The following PAK2 variants were observed in gnomAD, a reference collection of about 807,000 sequenced individuals.
PAK2 encodes the protein p21 (RAC1) activated kinase 2.
In PAK2, 21 loss-of-function variants were observed where a neutral mutation model predicts 65.9. That is an observed-to-expected ratio of 0.32 (90% CI 0.23 to 0.46). PAK2 has a LOEUF of 0.46. PAK2 is among the 20% of genes least tolerant of loss of function. The probability of loss-of-function intolerance (pLI) is 1.00; values close to 1 mark genes in which losing one functional copy is unlikely to be tolerated. For missense variants in PAK2, 324 were observed against 642.6 expected, an observed-to-expected ratio of 0.50 and a Z score of 5.36; for synonymous variants, 204 against 219.7, an observed-to-expected ratio of 0.93 and a Z score of 0.63.
At chr3:196,741,623 G>C (rs890825186) in intron 1 of PAK2, among the ~76,000 whole-genome samples, 3 of 152,156 alleles carry the variant, frequency 2.0e-5, no homozygotes, top group African/African-American at 7.2e-5. Context: ...CCTAAATTCA[G>C]TGTATTTTGT....
intron 1 of PAK2, among the ~76,000 whole-genome samples, chr3:196,747,866 C>T (rs1394765559): frequency 6.6e-6 from 1 of 152,098 alleles, no homozygotes. Context: ...GAAGCTTGTT[C>T]TCACGTTGGG....
chr3:196,810,598 G>A lies in PAK2; in HGVS notation c.718G>A (p.Val240Met), dbSNP rs757747754. ...EEIMEKLRTI[V>M]SIGDPKKKYT... ...CTTTTTGTTTATTCTAGGAACTATC[G>A]TGAGCATAGGTGACCCTAAGAAAAA... Residue 240 changes from valine (V) to methionine (M), a missense_variant, in exon 8 of 15, where the codon GTG becomes ATG. By Grantham distance (21) the Val-to-Met change is conservative. This residue lies in a region of PAK2 where 183 missense variants were observed against 246.2 expected (regional missense o/e 0.74). Coordinates refer to ENST00000327134, the MANE Select transcript of PAK2 (RefSeq NM_002577.4). 7 of 1,563,120 alleles carry A rather than the reference G, an allele frequency of 4.5e-6. No individual in the cohort carries two copies. Among genetic ancestry groups the A allele is most frequent in the Middle Eastern group, 1.7e-4 (1 of 5,916 alleles).
intron 1 of PAK2, among the ~76,000 whole-genome samples, chr3:196,743,126 A>G (rs2669634): frequency 6.6e-6 from 1 of 151,508 alleles, no homozygotes; most frequent in South Asian, 2.1e-4. Flanking sequence ...CATTGCCCCC[A>G]AAAAATAAAA....
chr3:196,802,855 A>G (rs1364969091), intron 3 of PAK2, among the ~76,000 whole-genome samples, 162 bp from the exon 4 acceptor site: 1 of 152,198 alleles, frequency 6.6e-6, no homozygotes, highest in Non-Finnish European at 1.5e-5. Flanking sequence ...CAAAAAAAGA[A>G]AAAAGAAAAA....
chr3:196,757,951 A>G (rs533655607), intron 1 of PAK2, among the ~76,000 whole-genome samples: 1 of 152,338 alleles, frequency 6.6e-6, no homozygotes, highest in South Asian at 2.1e-4. Context: ...CTTAGCTTCT[A>G]GAATAGTGAC....
chr3:196,804,817 A>G (rs940174016), intron 4 of PAK2, among the ~76,000 whole-genome samples: 3 of 50,670 alleles, frequency 5.9e-5, no homozygotes, highest in East Asian at 8.2e-4. Context: ...ATATATATAT[A>G]TATATATACA....
intron 13 of PAK2, 67 bp from the exon 14 acceptor site, chr3:196,827,128 CT>C: frequency 1.0e-6 from 1 of 989,926 alleles, no homozygotes; most frequent in Non-Finnish European, 1.5e-6. Flanking sequence ...ATCCCTTAGA[CT>C]TTATGGAGTG....
chr3:196,815,887 G>A (rs1716013011), intron 11 of PAK2, among the ~76,000 whole-genome samples: 1 of 152,076 alleles, frequency 6.6e-6, no homozygotes, highest in Non-Finnish European at 1.5e-5. Flanking sequence ...ATAAGTCTGT[G>A]CCTGGCTTCA....
chr3:196,759,027 A>G (rs908634682), intron 1 of PAK2, among the ~76,000 whole-genome samples: 3 of 152,246 alleles, frequency 2.0e-5, no homozygotes, highest in Non-Finnish European at 4.4e-5. Context: ...GTCACTGGAT[A>G]GAAACATTAC....
intron 7 of PAK2, 166 bp downstream of exon 7, chr3:196,808,080 G>A (rs1266689223): frequency 6.9e-6 from 4 of 577,826 alleles, no homozygotes; most frequent in Non-Finnish European, 1.2e-5. Flanking sequence ...ATGTCACCAG[G>A]TTCACCCCTA....
chr3:196,811,210 CCCTTCCCTCCCTCCCT>C lies in PAK2; in HGVS notation c.773+558_773+573del, dbSNP rs1715781481. Among the ~76,000 whole-genome samples, 3 of 61,832 alleles carry C rather than the reference CCCTTCCCTCCCTCCCT, an allele frequency of 4.9e-5. 1 individual carries two copies. The highest frequency in any genetic ancestry group is 9.1e-5 in the African/African-American group (1 of 11,014). 40.6% of individuals were successfully genotyped at this position (61,832 alleles called of 152,430 possible). ...ATATGAATTCCTTCCTCCCTTCCTTCCCTTCCCTCCCTCCCTTCCCTTCCCTTCCTTCCCTCCCTCC... is the reference window on the plus strand; with the variant it reads ...ATATGAATTCCTTCCTCCCTTCCTTCTCCCTTCCCTTCCTTCCCTCCCTCC... On this transcript the variant is annotated intron_variant, in intron 8 of 14. Transcript: ENST00000327134.
At chr3:196,776,052 A>G (rs1714524613) in intron 1 of PAK2, among the ~76,000 whole-genome samples, 1 of 152,236 alleles carries the variant, frequency 6.6e-6, no homozygotes, top group Non-Finnish European at 1.5e-5. Flanking sequence ...TTAAAGCAGC[A>G]GTTCTCAAAG....
chr3:196,782,864 A>C (rs1244216702), intron 2 of PAK2, 31 bp downstream of exon 2: 8 of 1,464,826 alleles, frequency 5.5e-6, no homozygotes, highest in Non-Finnish European at 7.6e-6. Flanking sequence ...TCAGAGTCTC[A>C]GCATTGGTTT....
At chr3:196,755,721 G>T (rs1365969625) in intron 1 of PAK2, among the ~76,000 whole-genome samples, 2 of 151,976 alleles carry the variant, frequency 1.3e-5, no homozygotes, top group Non-Finnish European at 2.9e-5. Flanking sequence ...GCCTCCCAAA[G>T]TGTTGGGATT....
intron 13 of PAK2, among the ~76,000 whole-genome samples, chr3:196,826,860 G>T (rs1275301089): frequency 2.0e-5 from 3 of 152,026 alleles, no homozygotes; most frequent in Non-Finnish European, 2.9e-5. Flanking sequence ...GGCAGAGGTT[G>T]CAGTGAGCCA....
At chr3:196,747,550 T>C (rs1713430105) in intron 1 of PAK2, among the ~76,000 whole-genome samples, 1 of 152,198 alleles carries the variant, frequency 6.6e-6, no homozygotes, top group East Asian at 1.9e-4. Context: ...CTATAATCTT[T>C]TAAAATATCT....
At chr3:196,807,086 T>C (rs1715609416) in intron 6 of PAK2, among the ~76,000 whole-genome samples, 1 of 152,196 alleles carries the variant, frequency 6.6e-6, no homozygotes, top group South Asian at 2.1e-4. Flanking sequence ...CTTGCTGTCA[T>C]TCAAAAGGCA....
chr3:196,764,297 C>T (rs1714083558), intron 1 of PAK2, among the ~76,000 whole-genome samples: 1 of 152,050 alleles, frequency 6.6e-6, no homozygotes, highest in Non-Finnish European at 1.5e-5. Context: ...AAGAGATTTT[C>T]TGATGGAACA....
chr3:196,763,543 G>A (rs1577705055), intron 1 of PAK2, among the ~76,000 whole-genome samples: 2 of 152,152 alleles, frequency 1.3e-5, no homozygotes, highest in Admixed American at 1.3e-4. Context: ...CACTAGATCA[G>A]TAACTGGCAG....
Sources: gnomAD v4.1 joint callset for allele counts (sites outside exome capture counted in the v4.1 genomes callset) on GRCh38, gnomAD v4.1.1 for gene constraint, gnomAD v4.1.1 regional missense constraint, MANE v1.5 for transcripts, NCBI Gene and HGNC (gene_info 2026-07-23, HGNC 2026-07-21) for gene names.